The following CLVS1 variants were observed in gnomAD, a reference collection of about 807,000 sequenced individuals.
CLVS1 encodes the protein clavesin 1.
CLVS1 carries 10 observed loss-of-function variants against 33.1 expected under a neutral mutation model. That is an observed-to-expected ratio of 0.30 (90% CI 0.19 to 0.51). The LOEUF is 0.51. Among genes scored for constraint, CLVS1 ranks in the 20% least tolerant of loss-of-function variants. The pLI is 0.97. For synonymous variants in CLVS1, 163 were observed against 166.1 expected (o/e 0.98, Z 0.14); for missense variants, 343 against 433.4 (o/e 0.79, Z 1.85).
rs918588460 is a variant in CLVS1, at chr8:61,272,245, A to G, written c.-151-27432A>G. 3.9e-5 allele frequency among the ~76,000 whole-genome samples: 6 copies of G among 151,948 alleles called. No homozygotes were observed. In the East Asian group the frequency reaches 9.6e-4, roughly 24 times the overall value. Reference sequence around the variant, plus strand: ...CTGTAAAGGATTTTATTTCTCCTTCACTTATGAAGCTTAGTTTGGCTGCAT... The same window carrying G: ...CTGTAAAGGATTTTATTTCTCCTTCGCTTATGAAGCTTAGTTTGGCTGCAT... On this transcript the variant is annotated intron_variant, in intron 2 of 2. Coordinates refer to the CLVS1 transcript ENST00000522621.
chr8:61,254,116 G>A (rs986642310), intron 2 of CLVS1, among the ~76,000 whole-genome samples: 2 of 152,186 alleles, frequency 1.3e-5, no homozygotes. Context: ...TGTCCTTTCT[G>A]TTTGTTTGTT....
intron 5 of CLVS1, among the ~76,000 whole-genome samples, chr8:61,490,826 C>G (rs1231174273): frequency 6.6e-6 from 1 of 151,360 alleles, no homozygotes; most frequent in Non-Finnish European, 1.5e-5. Flanking sequence ...AGCGTGGTGG[C>G]GGGTGCCTGT....
intron 3 of CLVS1, among the ~76,000 whole-genome samples, chr8:61,420,687 C>T (rs979948039): frequency 2.0e-5 from 3 of 151,776 alleles, no homozygotes; most frequent in African/African-American, 7.3e-5. Flanking sequence ...AAAACATATG[C>T]GGCCAGGCAC....
At chr8:61,355,272 T>G (rs1812645085) in intron 2 of CLVS1, among the ~76,000 whole-genome samples, 1 of 151,898 alleles carries the variant, frequency 6.6e-6, no homozygotes, top group South Asian at 2.1e-4. Flanking sequence ...CACTCCAGTT[T>G]AAGAGGAAGA....
At chr8:61,024,811 T>C in the CLVS1 span, among the ~76,000 whole-genome samples, 4 of 152,180 alleles carry the variant, frequency 2.6e-5, no homozygotes, top group Admixed American at 2.0e-4. Context: ...GATTTAGTGT[T>C]GTTAATGCAT....
At chr8:61,398,512 T>C (rs78298264) in intron 3 of CLVS1, among the ~76,000 whole-genome samples, 2,716 of 152,212 alleles carry the variant, frequency 0.018, 84 homozygotes, top group African/African-American at 0.061. Context: ...TTAAATTTAT[T>C]TGTAGGTATT....
intron 1 of CLVS1, among the ~76,000 whole-genome samples, chr8:61,117,487 A>G (rs1285742868): frequency 6.6e-6 from 1 of 151,496 alleles, no homozygotes; most frequent in Non-Finnish European, 1.5e-5. Context: ...TTGCCCATTC[A>G]GTATGATATT....
the CLVS1 span, among the ~76,000 whole-genome samples, chr8:61,032,572 C>T: frequency 6.6e-6 from 1 of 152,114 alleles, no homozygotes; most frequent in Non-Finnish European, 1.5e-5. Context: ...GCCTTGGGGG[C>T]TTCAGGGAAT....
chr8:61,052,997 G>C (rs1250927401), upstream of CLVS1, among the ~76,000 whole-genome samples: 1 of 152,194 alleles, frequency 6.6e-6, no homozygotes, highest in Non-Finnish European at 1.5e-5. Flanking sequence ...AACGTGGATT[G>C]ACGTGATTTA....
intron 2 of CLVS1, among the ~76,000 whole-genome samples, chr8:61,281,101 G>C (rs1809662949): frequency 6.6e-6 from 1 of 152,158 alleles, no homozygotes; most frequent in African/African-American, 2.4e-5. Flanking sequence ...CCTTTGAGCA[G>C]AATCAACAGC....
chr8:61,126,985 T>C (rs1287738186), intron 1 of CLVS1, among the ~76,000 whole-genome samples: 25 of 152,182 alleles, frequency 1.6e-4, no homozygotes. Flanking sequence ...GCCTGGGTCT[T>C]TTACCTTCCT....
intron 2 of CLVS1, among the ~76,000 whole-genome samples, chr8:61,347,358 G>A (rs1001430554): frequency 1.3e-5 from 2 of 152,014 alleles, no homozygotes; most frequent in South Asian, 4.2e-4. Flanking sequence ...TGGTGGAAAC[G>A]AGACCTGACA....
At chr8:61,241,937 TTGTTTCATTTC>T (rs1422443763) in intron 2 of CLVS1, among the ~76,000 whole-genome samples, 1 of 152,194 alleles carries the variant, frequency 6.6e-6, no homozygotes, top group Non-Finnish European at 1.5e-5. Flanking sequence ...TTCACAGTTG[TTGTTTCATTTC>T]TCCAGTGCTT....
chr8:61,207,634 T>A (rs1807882971), intron 2 of CLVS1, among the ~76,000 whole-genome samples: 1 of 152,256 alleles, frequency 6.6e-6, no homozygotes. Context: ...TATGGTTTTC[T>A]GTGGCTGAAA....
intron 3 of CLVS1, among the ~76,000 whole-genome samples, chr8:61,434,370 T>A (rs1057201190): frequency 2.0e-5 from 3 of 152,216 alleles, no homozygotes; most frequent in Non-Finnish European, 4.4e-5. Context: ...GAGCGCCAAC[T>A]GTCAACGAAA....
intron 5 of CLVS1, among the ~76,000 whole-genome samples, chr8:61,485,027 G>C (rs1380262019): frequency 3.3e-5 from 5 of 152,154 alleles, no homozygotes; most frequent in Non-Finnish European, 7.3e-5. Context: ...TCAGGACATA[G>C]GCATGGGCAA....
chr8:61,356,111 T>C (rs1812693484), intron 2 of CLVS1, among the ~76,000 whole-genome samples: 1 of 151,950 alleles, frequency 6.6e-6, no homozygotes, highest in Non-Finnish European at 1.5e-5. Context: ...CCATTCTAAC[T>C]GGTGTGAGAT....
At chr8:61,292,616 A>C (rs757626490) in intron 1 of CLVS1, among the ~76,000 whole-genome samples, 17 of 152,122 alleles carry the variant, frequency 1.1e-4, no homozygotes, top group Non-Finnish European at 1.9e-4. Flanking sequence ...AAGCACAACT[A>C]ATCTGTTTTA....
Position 61,345,755 on chromosome 8 carries a change from A to C in CLVS1, c.456-30850A>C, listed in dbSNP as rs969220730. 2.6e-5 allele frequency among the ~76,000 whole-genome samples: 4 copies of C among 151,880 alleles called. No homozygotes were observed. In the South Asian group the frequency reaches 6.2e-4, roughly 24 times the overall value. ...AAAAGGGAAGAGATGGGGGAAAGAA[A>C]GAGGTAGAGAAGAGGAAAGGTGACT... On this transcript the variant is annotated intron_variant, in intron 2 of 5. Coordinates refer to ENST00000325897, the MANE Select transcript of CLVS1 (RefSeq NM_173519.3).
Sources: allele counts gnomAD v4.1 joint callset (sites outside exome capture counted in the v4.1 genomes callset), GRCh38; gene constraint gnomAD v4.1.1; transcripts MANE v1.5; gene names NCBI Gene and HGNC (gene_info 2026-07-23, HGNC 2026-07-21).